The following CPT1A variants were observed in gnomAD, a reference collection of about 807,000 sequenced individuals.
The protein encoded by CPT1A is carnitine O-palmitoyltransferase 1, liver isoform.
In CPT1A, 64 loss-of-function variants were observed where a neutral mutation model predicts 100.8. The ratio of observed to expected loss-of-function variants is 0.63; its 90% CI spans 0.52 to 0.78. The LOEUF is 0.78. Among genes scored for constraint, CPT1A ranks in the 30% least tolerant of loss-of-function variants. The pLI is 0.00. For synonymous variants in CPT1A, 363 were observed against 396.0 expected, an observed-to-expected ratio of 0.92 and a Z score of 0.99; for missense variants, 802 against 1,034.1, an observed-to-expected ratio of 0.78 and a Z score of 3.08.
At position 68,803,995 on chromosome 11, in the gene CPT1A, C is replaced by G; in HGVS notation, c.555+5G>C. 6.2e-7 allele frequency: 1 copy of G among 1,609,790 alleles called. No individual in the cohort carries two copies. Among genetic ancestry groups the G allele is most frequent in the Non-Finnish European group, 8.5e-7 (1 of 1,176,068 alleles). On this transcript the variant is annotated splice_donor_5th_base_variant and intron_variant, in intron 5 of 18. Coordinates refer to ENST00000265641, the MANE Select transcript of CPT1A (RefSeq NM_001876.4). Reference sequence around the variant, plus strand: ...ATTTCAGTGTGAGGCCTAAGCCACACCTACCCTGTTCACAGTGTCTTTGAC... The same window carrying G: ...ATTTCAGTGTGAGGCCTAAGCCACAGCTACCCTGTTCACAGTGTCTTTGAC...
In CPT1A at chr11:68,756,661, A is replaced by C. The variant is rs1232688297; in HGVS notation, c.*983T>G. The C allele has an allele frequency of 6.6e-6, 1 of 152,338 alleles. No homozygotes were observed. The highest frequency in any genetic ancestry group is 1.5e-5 in the Non-Finnish European group (1 of 68,108). The allele number at this position is 152,338 out of a possible 1,614,324, so 9.4% of individuals were successfully genotyped here. ...GCCCTCCTTGCTGTCACTTTGGGAA[A>C]GAGATCCTCCTGAGGCACGTGTCAT... On this transcript the variant is annotated 3_prime_UTR_variant, in exon 19 of 19. Coordinates refer to ENST00000265641, the MANE Select transcript of CPT1A (RefSeq NM_001876.4).
intron 5 of CPT1A, among the ~76,000 whole-genome samples, chr11:68,802,459 T>C (rs1594352384): frequency 6.8e-6 from 1 of 146,242 alleles, no homozygotes; most frequent in African/African-American, 2.5e-5. Context: ...GGGCCAGGCG[T>C]GGTGGCTCAC....
Position 68,775,518 on chromosome 11 carries a change from GCA to G in CPT1A, c.1459-88_1459-87del, listed in dbSNP as rs1466719252. Reference sequence around the variant, plus strand: ...CAACATGAAGAGAGGGTTGTTCTTTGCAGAGATGTTACAAAGTTTGAATCACA... The same window carrying G: ...CAACATGAAGAGAGGGTTGTTCTTTGGAGATGTTACAAAGTTTGAATCACA... On this transcript the variant is annotated intron_variant, in intron 12 of 18. Coordinates refer to ENST00000265641, the MANE Select transcript of CPT1A (RefSeq NM_001876.4). 75 of 1,077,462 alleles carry G rather than the reference GCA, an allele frequency of 7.0e-5. No homozygotes were observed. In the Middle Eastern group the frequency reaches 8.4e-4, roughly 12 times the overall value. The allele number at this position is 1,077,462 out of a possible 1,614,324, so 66.7% of individuals were successfully genotyped here. A position where few individuals can be genotyped will look rare whatever the true frequency, so the allele number is the denominator to read the frequency against.
In CPT1A at chr11:68,840,252, G is replaced by A. The variant is rs115202837; in HGVS notation, c.-14+1523C>T. Among the ~76,000 whole-genome samples, 339 of 152,252 alleles carry A rather than the reference G, an allele frequency of 2.2e-3. 1 individual carries two copies. Among genetic ancestry groups the A allele is most frequent in the African/African-American group, 7.9e-3 (327 of 41,560 alleles). ...ACTTATGTCCTCAATTTATTGCTACGTTCACTCGGTCAGAGTCGCCTTAAA... is the reference window on the plus strand; with the variant it reads ...ACTTATGTCCTCAATTTATTGCTACATTCACTCGGTCAGAGTCGCCTTAAA... On this transcript the variant is annotated intron_variant, in intron 1 of 18. Transcript: ENST00000265641.
intron 3 of CPT1A, among the ~76,000 whole-genome samples, chr11:68,809,090 C>T (rs1027963310): frequency 4.6e-5 from 7 of 152,012 alleles, no homozygotes; most frequent in Non-Finnish European, 8.8e-5. Context: ...AACAAATTAT[C>T]TTCAAGGTTA....
intron 14 of CPT1A, 46 bp downstream of exon 14, chr11:68,773,217 GGA>G: frequency 6.2e-7 from 1 of 1,610,582 alleles, no homozygotes; most frequent in Non-Finnish European, 8.5e-7. Flanking sequence ...GGCAGGTGTA[GGA>G]ACCCCCAAAG....
chr11:68,766,025 C>T, intron 14 of CPT1A, among the ~76,000 whole-genome samples: 1 of 152,034 alleles, frequency 6.6e-6, no homozygotes, highest in East Asian at 1.9e-4. Flanking sequence ...ATGCGTGCTG[C>T]CATACCTGGA....
intron 9 of CPT1A, among the ~76,000 whole-genome samples, chr11:68,790,738 A>C (rs2153999255): frequency 6.6e-6 from 1 of 152,356 alleles, no homozygotes; most frequent in Middle Eastern, 3.4e-3. Flanking sequence ...CTCAGGTATC[A>C]TGCTCAGAAT....
chr11:68,761,770 C>T, intron 15 of CPT1A, 83 bp from the exon 16 acceptor site: 2 of 1,516,156 alleles, frequency 1.3e-6, no homozygotes, highest in Non-Finnish European at 9.1e-7. Context: ...CCGCACCCGG[C>T]TAATATTTTT....
intron 1 of CPT1A, chr11:68,839,437 C>T: frequency 1.1e-6 from 1 of 893,014 alleles, no homozygotes; most frequent in Non-Finnish European, 1.3e-6. Context: ...CCCAGGCTGG[C>T]GCGTCCCAGG....
At chr11:68,812,685 A>G in intron 2 of CPT1A, 109 bp from the exon 3 acceptor site, 1 of 1,346,606 alleles carries the variant, frequency 7.4e-7, no homozygotes, top group African/African-American at 1.4e-5. Context: ...CAGTGAGAAG[A>G]GGGTGTGGAC....
chr11:68,775,341 C>T lies in CPT1A; in HGVS notation c.1550G>A (p.Arg517Lys). 1.2e-6 allele frequency: 2 copies of T among 1,614,016 alleles called. No individual in the cohort carries two copies. The highest frequency in any genetic ancestry group is 1.7e-6 in the Non-Finnish European group (2 of 1,179,852). The change falls in exon 13 of 19, where the codon AGG becomes AAG. Residue 517 changes from arginine (R) to lysine (K), a missense_variant. Arg to Lys is a conservative substitution (Grantham distance 26, BLOSUM62 2). Around this residue, in one of 4 missense-constraint regions of CPT1A, gnomAD observed 627 missense variants for 799.3 expected, o/e 0.78. Coordinates refer to ENST00000265641, the MANE Select transcript of CPT1A (RefSeq NM_001876.4). ...DINPNIPYPT[R>K]LQWDIPGECQ... ...TTCCCCCGGGATGTCCCACTGCAGCCTGGTGGGGTACGGAATGTTCGGATT... is the reference window on the plus strand; with the variant it reads ...TTCCCCCGGGATGTCCCACTGCAGCTTGGTGGGGTACGGAATGTTCGGATT...
Position 68,839,213 on chromosome 11 carries a change from C to T in CPT1A, c.-14+2562G>A, listed in dbSNP as rs146832566. ...ATCAAAGTGCAGAAGCAGCCCTTGG[C>T]CCGCGCAGGCTCCGGTTTCCGCCTC... is the stretch of plus-strand genomic sequence containing the variant. On this transcript the variant is annotated intron_variant, in intron 1 of 18. Transcript: ENST00000265641. 2.8e-4 allele frequency among the ~76,000 whole-genome samples: 43 copies of T among 152,342 alleles called. 1 individual carries two copies. In the East Asian group the frequency reaches 8.1e-3, roughly 29 times the overall value.
intron 9 of CPT1A, among the ~76,000 whole-genome samples, chr11:68,790,767 A>C (rs1484846271): frequency 1.3e-5 from 2 of 152,194 alleles, no homozygotes; most frequent in African/African-American, 4.8e-5. Context: ...AGGTACACTA[A>C]GTAACTAGGT....
chr11:68,783,615 C>T (rs1002690600), intron 10 of CPT1A, among the ~76,000 whole-genome samples: 9 of 152,360 alleles, frequency 5.9e-5, no homozygotes, highest in South Asian at 2.1e-4. Flanking sequence ...ACTGCTGGAA[C>T]GCAGCAGCTC....
chr11:68,827,821 C>T (rs12365850), intron 1 of CPT1A, among the ~76,000 whole-genome samples: 3,327 of 152,266 alleles, frequency 0.022, 67 homozygotes, highest in Middle Eastern at 0.041. Flanking sequence ...CTACTCTGTG[C>T]GCGGTCCTGC....
intron 3 of CPT1A, 98 bp downstream of exon 3, chr11:68,812,339 A>T (rs1047510938): frequency 1.3e-6 from 2 of 1,507,148 alleles, no homozygotes; most frequent in African/African-American, 2.8e-5. Flanking sequence ...TTCATATGGA[A>T]TCCAGAACAG....
intron 2 of CPT1A, 35 bp downstream of exon 2, chr11:68,815,299 G>A: frequency 6.2e-7 from 1 of 1,608,850 alleles, no homozygotes; most frequent in Non-Finnish European, 8.5e-7. Flanking sequence ...ATATTAAAAG[G>A]CATACTGTGT....
chr11:68,826,594 C>A (rs1197075665), intron 1 of CPT1A, among the ~76,000 whole-genome samples: 1 of 151,600 alleles, frequency 6.6e-6, no homozygotes, highest in Admixed American at 6.6e-5. Flanking sequence ...AAAAATTAGC[C>A]GGGCGTGGTG....
Sources: gnomAD v4.1 joint callset for allele counts (sites outside exome capture counted in the v4.1 genomes callset) on GRCh38, gnomAD v4.1.1 for gene constraint, gnomAD v4.1.1 regional missense constraint, MANE v1.5 for transcripts, NCBI Gene and HGNC (gene_info 2026-07-23, HGNC 2026-07-21) for gene names.